The following KCNN2 variants were observed in gnomAD, a reference collection of about 807,000 sequenced individuals.
The protein encoded by KCNN2 is small conductance calcium-activated potassium channel protein 2.
In KCNN2, 24 loss-of-function variants were observed where a neutral mutation model predicts 55.5. The ratio of observed to expected loss-of-function variants is 0.43; its 90% CI spans 0.31 to 0.61. The LOEUF (loss-of-function observed/expected upper bound fraction) is 0.61. Ranked by LOEUF, KCNN2 falls within the 20% of genes least tolerant of loss-of-function variation. The probability of loss-of-function intolerance (pLI) is 0.08; values close to 1 mark genes in which losing one functional copy is unlikely to be tolerated. For synonymous variants in KCNN2, 431 were observed against 336.1 expected, an observed-to-expected ratio of 1.28 and a Z score of -3.09; for missense variants, 754 against 853.6, an observed-to-expected ratio of 0.88 and a Z score of 1.45.
chr5:114,360,232 T>A (rs541223440), upstream of KCNN2, among the ~76,000 whole-genome samples: 1 of 152,090 alleles, frequency 6.6e-6, no homozygotes, highest in South Asian at 2.1e-4. Context: ...ACACAAAAAA[T>A]TAAAATTAAC....
intron 2 of KCNN2, among the ~76,000 whole-genome samples, chr5:114,296,519 T>C (rs1381916386): frequency 1.3e-5 from 2 of 152,238 alleles, no homozygotes; most frequent in Non-Finnish European, 2.9e-5. Flanking sequence ...TCTGTAGAAA[T>C]GGCCTTGGGT....
chr5:114,365,756 C>G (rs1757581554), intron 2 of KCNN2, among the ~76,000 whole-genome samples: 3 of 152,164 alleles, frequency 2.0e-5, no homozygotes, highest in Non-Finnish European at 4.4e-5. Flanking sequence ...CCAAAATGTT[C>G]TTACATATTT....
intron 1 of KCNN2, among the ~76,000 whole-genome samples, chr5:114,114,436 G>A (rs905691372): frequency 6.6e-6 from 1 of 151,808 alleles, no homozygotes; most frequent in Non-Finnish European, 1.5e-5. Flanking sequence ...ACAAGGTCTC[G>A]CTTTGTTGCC....
intron 2 of KCNN2, among the ~76,000 whole-genome samples, chr5:114,261,668 G>A (rs1020154093): frequency 6.6e-6 from 1 of 152,178 alleles, no homozygotes; most frequent in South Asian, 2.1e-4. Flanking sequence ...AGGTTGTGGG[G>A]TGAGCAGGCA....
chr5:114,232,922 C>CTTTTTTTTTTTT (rs1754390718), intron 2 of KCNN2, among the ~76,000 whole-genome samples: 24 of 44,022 alleles, frequency 5.5e-4, no homozygotes, highest in Non-Finnish European at 6.9e-4. Flanking sequence ...TATATTGTTT[C>CTTTTTTTTTTTT]TTGTTTTTTT....
Position 114,135,580 on chromosome 5 carries a change from A to G in KCNN2, c.-271+79080A>G, listed in dbSNP as rs1752157819. On this transcript the variant is annotated intron_variant, in intron 1 of 10. Coordinates refer to the KCNN2 transcript ENST00000512097. Reference sequence around the variant, plus strand: ...CCAATATCAGGGTTTCTTAAATGAAACAGACTAGCTACATGCCCGTGTATA... The same window carrying G: ...CCAATATCAGGGTTTCTTAAATGAAGCAGACTAGCTACATGCCCGTGTATA... 5.9e-5 allele frequency among the ~76,000 whole-genome samples: 9 copies of G among 152,326 alleles called. No individual in the cohort carries two copies. In the South Asian group the frequency reaches 1.9e-3, roughly 32 times the overall value.
intron 1 of KCNN2, among the ~76,000 whole-genome samples, chr5:114,165,255 C>G (rs1752885128): frequency 6.6e-6 from 1 of 152,112 alleles, no homozygotes; most frequent in African/African-American, 2.4e-5. Flanking sequence ...CCTCTGTCAC[C>G]CCAGAGACTG....
chr5:114,303,473 G>T (rs1580708065), intron 2 of KCNN2, among the ~76,000 whole-genome samples: 1 of 152,138 alleles, frequency 6.6e-6, no homozygotes, highest in Non-Finnish European at 1.5e-5. Flanking sequence ...AGGGAAATTG[G>T]TGAAAATTGG....
intron 1 of KCNN2, among the ~76,000 whole-genome samples, chr5:114,074,429 A>G (rs1750645017): frequency 1.3e-5 from 2 of 152,206 alleles, no homozygotes; most frequent in Admixed American, 1.3e-4. Flanking sequence ...TTATTAAACA[A>G]CAACAAAATC....
chr5:114,341,549 T>G (rs1021263804), intron 2 of KCNN2, among the ~76,000 whole-genome samples: 1 of 152,154 alleles, frequency 6.6e-6, no homozygotes, highest in African/African-American at 2.4e-5. Flanking sequence ...CATTATAATT[T>G]ATGTTGATGT....
intron 1 of KCNN2, among the ~76,000 whole-genome samples, chr5:114,134,069 C>T (rs1055397177): frequency 2.0e-5 from 3 of 152,236 alleles, no homozygotes; most frequent in Admixed American, 6.5e-5. Context: ...AACTGGGCCA[C>T]GGGTATCCCT....
chr5:114,190,398 A>C (rs1231224127), intron 1 of KCNN2, among the ~76,000 whole-genome samples: 2 of 152,152 alleles, frequency 1.3e-5, no homozygotes, highest in African/African-American at 4.8e-5. Context: ...TAAAATTACT[A>C]AATAATCTAC....
intron 2 of KCNN2, among the ~76,000 whole-genome samples, chr5:114,281,491 A>G (rs1434565506): frequency 2.0e-5 from 3 of 152,080 alleles, no homozygotes; most frequent in Non-Finnish European, 4.4e-5. Context: ...AGACATTTAT[A>G]TTAAGACCTT....
intron 1 of KCNN2, among the ~76,000 whole-genome samples, chr5:114,163,386 CCAGCTT>C (rs1752837103): frequency 6.6e-6 from 1 of 152,110 alleles, no homozygotes; most frequent in Non-Finnish European, 1.5e-5. Context: ...GAGAATGATT[CCAGCTT>C]TTGTCTATTC....
chr5:114,459,298 A>C (rs1236742310), intron 3 of KCNN2, among the ~76,000 whole-genome samples: 1 of 152,222 alleles, frequency 6.6e-6, no homozygotes, highest in Non-Finnish European at 1.5e-5. Context: ...TGTTTTTATT[A>C]AATCAGCATT....
rs544863587 is a variant in KCNN2 at position 114,154,047 on chromosome 5, C to T, written c.-270-67433C>T. Among the ~76,000 whole-genome samples, 22 of 152,282 alleles carry T rather than the reference C, an allele frequency of 1.4e-4. No individual in the cohort carries two copies. The East Asian group carries it at 4.2e-3, about 29-fold the overall frequency. On this transcript the variant is annotated intron_variant, in intron 1 of 10. Coordinates refer to the KCNN2 transcript ENST00000512097. ...CTGGCCCCAGGTTCTTGCAGTATCA[C>T]ATGCCATCCCCTTGTATCATGTCTG...
At chr5:114,118,186 G>T (rs549144615) in intron 1 of KCNN2, among the ~76,000 whole-genome samples, 1 of 152,198 alleles carries the variant, frequency 6.6e-6, no homozygotes, top group African/African-American at 2.4e-5. Context: ...GAACTCTCAC[G>T]ATTTCCAGGA....
intron 2 of KCNN2, among the ~76,000 whole-genome samples, chr5:114,313,445 T>G (rs1032802880): frequency 1.3e-5 from 2 of 152,174 alleles, no homozygotes; most frequent in African/African-American, 4.8e-5. Flanking sequence ...AGCTCAATCC[T>G]GTATTACATT....
At chr5:114,467,548 A>G (rs1405201843) in intron 4 of KCNN2, among the ~76,000 whole-genome samples, 1 of 152,122 alleles carries the variant, frequency 6.6e-6, no homozygotes, top group Admixed American at 6.5e-5. Flanking sequence ...TGAAGAGAGT[A>G]TATCTTTAAG....
Sources: gnomAD v4.1 joint callset for allele counts (sites outside exome capture counted in the v4.1 genomes callset) on GRCh38, gnomAD v4.1.1 for gene constraint, MANE v1.5 for transcripts, NCBI Gene and HGNC (gene_info 2026-07-23, HGNC 2026-07-21) for gene names.